The following MAN2A1 variants were observed in gnomAD, a reference collection of about 807,000 sequenced individuals.
The protein encoded by MAN2A1 is alpha-mannosidase 2.
A neutral mutation model predicts 142.6 loss-of-function variants in MAN2A1; 76 were observed. That is an observed-to-expected ratio of 0.53 (90% CI 0.44 to 0.65). MAN2A1 has a LOEUF of 0.65. MAN2A1 is among the 30% of genes least tolerant of loss of function. The pLI is 0.00. For synonymous variants in MAN2A1, 559 were observed against 473.2 expected (o/e 1.18, Z -2.35); for missense variants, 1,311 against 1,365.1 (o/e 0.96, Z 0.62).
chr5:109,705,839 C>T (rs1020820546), intron 1 of MAN2A1, among the ~76,000 whole-genome samples: 4 of 152,174 alleles, frequency 2.6e-5, no homozygotes, highest in Admixed American at 1.3e-4. Flanking sequence ...AGGCTGCCTT[C>T]CAGCAATAGC....
chr5:109,741,839 A>G (rs1752276426), intron 4 of MAN2A1, among the ~76,000 whole-genome samples: 1 of 152,210 alleles, frequency 6.6e-6, no homozygotes, highest in Admixed American at 6.5e-5. Context: ...GATCTGAAAT[A>G]ATTTAATCAA....
intron 4 of MAN2A1, among the ~76,000 whole-genome samples, chr5:109,750,363 C>A (rs999516311): frequency 5.3e-5 from 8 of 151,932 alleles, no homozygotes; most frequent in East Asian, 1.9e-4. Flanking sequence ...TAAGAATCTT[C>A]TGGTTTATTA....
At chr5:109,799,016 C>T (rs1753941960) in intron 12 of MAN2A1, among the ~76,000 whole-genome samples, 1 of 151,814 alleles carries the variant, frequency 6.6e-6, no homozygotes, top group South Asian at 2.1e-4. Context: ...AAATGTGTCT[C>T]AAATTTGTCC....
chr5:109,722,080 G>A (rs1466803870), intron 3 of MAN2A1, among the ~76,000 whole-genome samples: 1 of 152,200 alleles, frequency 6.6e-6, no homozygotes, highest in Non-Finnish European at 1.5e-5. Context: ...ACCAGTACTT[G>A]TAACAGTTTT....
chr5:109,846,094 T>G, intron 18 of MAN2A1, 88 bp downstream of exon 18: 6 of 1,163,986 alleles, frequency 5.2e-6, no homozygotes, highest in African/African-American at 1.6e-5. Flanking sequence ...GTATAATCTC[T>G]AGTTAAAACC....
chr5:109,703,730 G>A (rs1271441500), intron 1 of MAN2A1, among the ~76,000 whole-genome samples: 4 of 152,198 alleles, frequency 2.6e-5, no homozygotes, highest in African/African-American at 9.7e-5. Flanking sequence ...AAATGGATTT[G>A]TAAGTAATAA....
chr5:109,817,148 AG>A (rs1754482894), intron 12 of MAN2A1, 124 bp from the exon 13 acceptor site: 1 of 890,712 alleles, frequency 1.1e-6, no homozygotes, highest in African/African-American at 1.7e-5. Context: ...CCTGGGTGAC[AG>A]AGTGAGACGC....
chr5:109,790,736 A>G (rs896404338), intron 12 of MAN2A1, among the ~76,000 whole-genome samples: 1 of 152,022 alleles, frequency 6.6e-6, no homozygotes, highest in South Asian at 2.1e-4. Context: ...TCTCTCATCT[A>G]TTAACTTTTC....
At chr5:109,751,452 A>G (rs1333893315) in intron 4 of MAN2A1, among the ~76,000 whole-genome samples, 1 of 152,134 alleles carries the variant, frequency 6.6e-6, no homozygotes, top group Non-Finnish European at 1.5e-5. Context: ...TAGTGCTGCA[A>G]TAAACATGAG....
chr5:109,759,531 C>G (rs1308028765), intron 5 of MAN2A1, among the ~76,000 whole-genome samples: 1 of 152,058 alleles, frequency 6.6e-6, no homozygotes, highest in Non-Finnish European at 1.5e-5. Context: ...CAGTTTTGAG[C>G]TATGGTGAAT....
intron 1 of MAN2A1, among the ~76,000 whole-genome samples, chr5:109,708,318 A>G (rs1280520721): frequency 6.6e-6 from 1 of 152,110 alleles, no homozygotes; most frequent in Non-Finnish European, 1.5e-5. Flanking sequence ...TTACAAGGTC[A>G]GTTTTGGTGG....
At chr5:109,693,056 T>C (rs1750717453) in intron 1 of MAN2A1, among the ~76,000 whole-genome samples, 2 of 152,192 alleles carry the variant, frequency 1.3e-5, no homozygotes, top group Admixed American at 1.3e-4. Flanking sequence ...TCCATGGCCC[T>C]GGGGTTGGTT....
intron 4 of MAN2A1, among the ~76,000 whole-genome samples, chr5:109,733,098 C>G (rs1410382245): frequency 2.0e-5 from 3 of 152,032 alleles, no homozygotes; most frequent in Non-Finnish European, 4.4e-5. Context: ...AAGTTGGATT[C>G]CTAGGTATTT....
intron 16 of MAN2A1, among the ~76,000 whole-genome samples, chr5:109,828,381 A>G (rs1294187300): frequency 2.0e-5 from 3 of 152,214 alleles, no homozygotes; most frequent in African/African-American, 7.2e-5. Context: ...AGAAGATAGA[A>G]TATAATACAA....
chr5:109,695,797 A>T (rs967014195), intron 1 of MAN2A1, among the ~76,000 whole-genome samples: 18 of 152,208 alleles, frequency 1.2e-4, no homozygotes, highest in Non-Finnish European at 1.3e-4. Flanking sequence ...TAGTAGGTTA[A>T]TCAGGAGAGG....
intron 12 of MAN2A1, among the ~76,000 whole-genome samples, chr5:109,804,726 A>C (rs1283399474): frequency 2.0e-5 from 3 of 152,164 alleles, no homozygotes; most frequent in African/African-American, 7.2e-5. Flanking sequence ...GAGATGTAGC[A>C]CTAGTAAAAA....
At chr5:109,838,590 T>C (rs1755117480) in intron 16 of MAN2A1, among the ~76,000 whole-genome samples, 2 of 152,254 alleles carry the variant, frequency 1.3e-5, no homozygotes, top group South Asian at 2.1e-4. Flanking sequence ...ATAGGAACAA[T>C]TGGCAATCCT....
rs945160142 is a variant in MAN2A1, at chr5:109,780,158, C to T, written c.1375-1238C>T. Reference sequence around the variant, plus strand: ...CTGCAAGGTCGGCCTCCTGGGTTCACGCCATTCTCCTGCCTCAGCCTCCCG... The same window carrying T: ...CTGCAAGGTCGGCCTCCTGGGTTCATGCCATTCTCCTGCCTCAGCCTCCCG... On this transcript the variant is annotated intron_variant, in intron 8 of 21. Transcript: ENST00000261483. Among the ~76,000 whole-genome samples the T allele has an allele frequency of 5.9e-5, 9 of 152,046 alleles. No individual in the cohort carries two copies. The South Asian group carries it at 8.3e-4, about 14-fold the overall frequency.
At chr5:109,787,990 A>G (rs1753638306) in intron 10 of MAN2A1, among the ~76,000 whole-genome samples, 1 of 151,878 alleles carries the variant, frequency 6.6e-6, no homozygotes, top group African/African-American at 2.4e-5. Context: ...CTCTGAAGGA[A>G]ATATTAATGC....
Sources: gnomAD v4.1 joint callset for allele counts (sites outside exome capture counted in the v4.1 genomes callset) on GRCh38, gnomAD v4.1.1 for gene constraint, MANE v1.5 for transcripts, NCBI Gene and HGNC (gene_info 2026-07-23, HGNC 2026-07-21) for gene names.